The following AXL variants were observed in gnomAD, a reference collection of about 807,000 sequenced individuals.
AXL encodes AXL receptor tyrosine kinase, also known as tyrosine-protein kinase receptor UFO.
Under a neutral mutation model 104.5 loss-of-function variants are expected in AXL, and 52 were observed. The ratio of observed to expected loss-of-function variants is 0.50; its 90% CI spans 0.40 to 0.63. The LOEUF is 0.63. Ranked by LOEUF, AXL falls within the 20% of genes least tolerant of loss-of-function variation. AXL has a pLI of 0.00. For synonymous variants in AXL, 455 were observed against 473.7 expected (o/e 0.96, Z 0.51); for missense variants, 1,024 against 1,188.5 (o/e 0.86, Z 2.04).
chr19:41,244,451 A>C lies in AXL; in HGVS notation c.1537+744A>C, dbSNP rs144975771. On this transcript the variant is annotated intron_variant, in intron 12 of 19. Transcript: ENST00000301178. ...ATCTCCTCGTTTAACCCTCAGAGCA[A>C]CCCAAGGACACGGGTTTCTTTTTTC... is the stretch of plus-strand genomic sequence containing the variant. Among the ~76,000 whole-genome samples, 269 of 151,324 alleles carry C rather than the reference A, an allele frequency of 1.8e-3. 2 individuals are homozygous for C. Among genetic ancestry groups the C allele is most frequent in the Non-Finnish European group, 3.1e-3 (210 of 67,830 alleles).
intron 17 of AXL, among the ~76,000 whole-genome samples, chr19:41,254,342 A>C (rs1409897655): frequency 6.8e-6 from 1 of 146,490 alleles, no homozygotes; most frequent in East Asian, 2.0e-4. Context: ...GCATCACTGC[A>C]CTCCAGCCTG....
At chr19:41,220,567 A>C in intron 1 of AXL, 69 bp from the exon 2 acceptor site, 1 of 1,390,278 alleles carries the variant, frequency 7.2e-7, no homozygotes, top group Non-Finnish European at 9.8e-7. Context: ...GCAGGCAAGG[A>C]CAGGGTGGAA....
chr19:41,221,394 G>A, intron 3 of AXL, 148 bp downstream of exon 3: 1 of 657,280 alleles, frequency 1.5e-6, no homozygotes, highest in Non-Finnish European at 2.5e-6. Context: ...GAATGTCAGA[G>A]TTTTGGGTGG....
rs767554708 is a variant in AXL at position 41,221,969 on chromosome 19, G to A, written c.499G>A (p.Glu167Lys). Reference protein sequence around the residue: ...NLSCQAQGPPEPVDLLWLQDA... With the variant: ...NLSCQAQGPPKPVDLLWLQDA... ...GAGCTGCCAAGCTCAGGGACCCCCA[G>A]AGCCCGTGGACCTACTCTGGCTCCA... Residue 167 changes from glutamate to lysine, a missense_variant, in exon 4 of 20, where the codon GAG becomes AAG. Coordinates refer to ENST00000301178, the MANE Select transcript of AXL (RefSeq NM_021913.5). 6.2e-7 allele frequency: 1 copy of A among 1,612,340 alleles called. No individual in the cohort carries two copies. Among genetic ancestry groups the A allele is most frequent in the Admixed American group, 1.7e-5 (1 of 59,794 alleles).
In AXL at chr19:41,220,705, G is replaced by T; in HGVS notation, c.155G>T (p.Gly52Val). ...GNITGARGLT[G>V]TLRCQLQVQG... ...ATCACAGGTGCCCGGGGACTCACGG[G>T]CACCCTTCGGTGTCAGCTCCAGGTT... Residue 52 changes from glycine (G) to valine (V), a missense_variant, in exon 2 of 20, where the codon GGC (glycine) becomes GTC (valine). This residue lies in a region of AXL where 124 missense variants were observed against 115.5 expected (regional missense o/e 1.07). Transcript: ENST00000301178. 1 of 1,613,274 alleles carries T rather than the reference G, an allele frequency of 6.2e-7. No homozygotes were observed.
intron 6 of AXL, among the ~76,000 whole-genome samples, chr19:41,233,697 G>T (rs1217809128): frequency 9.5e-5 from 14 of 146,930 alleles, no homozygotes; most frequent in Non-Finnish European, 1.5e-4. Flanking sequence ...CTGAGGCCCA[G>T]AGAGGGGCCC....
At chr19:41,221,481 G>C (rs1421259184) in intron 3 of AXL, 7 of 524,354 alleles carry the variant, frequency 1.3e-5, no homozygotes, top group South Asian at 1.1e-4. Flanking sequence ...AGACTTCTTG[G>C]GGGTAGTTGG....
intron 4 of AXL, among the ~76,000 whole-genome samples, chr19:41,227,806 A>C (rs1041851563): frequency 5.9e-5 from 9 of 152,146 alleles, no homozygotes; most frequent in Non-Finnish European, 8.8e-5. Context: ...TATTTAGATA[A>C]ATAAGAGTTT....
intron 19 of AXL, among the ~76,000 whole-genome samples, chr19:41,258,802 GT>G (rs1441369165): frequency 2.6e-5 from 4 of 152,220 alleles, no homozygotes; most frequent in Non-Finnish European, 5.9e-5. Flanking sequence ...AACAACAAAC[GT>G]TTATTATCTC....
chr19:41,252,929 AG>A lies in AXL; in HGVS notation c.1889del (p.Ser630ThrfsTer20), dbSNP rs756657369. ...TTTCATGAAACATGGAGACCTACAC[AG>A]CTTCCTCCTCTATTCCCGGCTCGGG... ...LPFMKHGDLH[S>X]FLLYSRLGDQ... On this transcript the variant is annotated frameshift_variant, in exon 16 of 20. Coordinates refer to ENST00000301178, the MANE Select transcript of AXL (RefSeq NM_021913.5). LOFTEE classifies it high-confidence loss of function. 1 of 1,614,164 alleles carries A rather than the reference AG, an allele frequency of 6.2e-7. No homozygotes were observed. Among genetic ancestry groups the A allele is most frequent in the Non-Finnish European group, 8.5e-7 (1 of 1,180,020 alleles).
chr19:41,253,432 G>A (rs138416430), intron 16 of AXL, among the ~76,000 whole-genome samples, 167 bp from the exon 17 acceptor site: 80 of 152,246 alleles, frequency 5.3e-4, no homozygotes, highest in African/African-American at 1.8e-3. Context: ...AGGAAGGCTG[G>A]AGCAAGTTTA....
At position 41,259,564 on chromosome 19, in the gene AXL, T is replaced by C; in HGVS notation, c.2345T>C (p.Met782Thr). 6.2e-7 allele frequency: 1 copy of C among 1,603,622 alleles called. No individual in the cohort carries two copies. Among genetic ancestry groups the C allele is most frequent in the Non-Finnish European group, 8.5e-7 (1 of 1,174,172 alleles). Residue 782 changes from methionine to threonine, a missense_variant, in exon 20 of 20, where the codon ATG becomes ACG. Physicochemically the swap from Met to Thr is moderately conservative, Grantham distance 81 (BLOSUM62 -1). This residue lies in a region of AXL where 523 missense variants were observed against 636.0 expected (regional missense o/e 0.82). Transcript: ENST00000301178. ...TTTTGCTGCCCTAGGTATGCCTTGA[T>C]GTCGCGGTGCTGGGAGCTAAATCCC... ...ADCLDGLYAL[M>T]SRCWELNPQD...
In AXL at chr19:41,221,203, A is replaced by T; in HGVS notation, c.366A>T (p.Gly122=). Residue 122 remains glycine, a synonymous_variant, in exon 3 of 20, where the codon GGA becomes GGT. Transcript: ENST00000301178. ...TGQYQCLVFL[G]HQTFVSQPGY... is the part of the protein sequence containing the mutation. ...AGTACCAGTGTTTGGTGTTTCTGGG[A>T]CATCAGACCTTCGTGTCCCAGCCTG... 6.2e-7 allele frequency: 1 copy of T among 1,614,034 alleles called. No homozygotes were observed. The highest frequency in any genetic ancestry group is 8.5e-7 in the Non-Finnish European group (1 of 1,179,996).
rs2034286320 is a variant in AXL, at chr19:41,247,251, C to T, written c.1538-1263C>T. Among the ~76,000 whole-genome samples, 4 of 152,238 alleles carry T rather than the reference C, an allele frequency of 2.6e-5. No individual in the cohort carries two copies. In the South Asian group the frequency reaches 6.2e-4, roughly 24 times the overall value. Reference sequence around the variant, plus strand: ...TGAGTTGGCCAGGCGTGGTGGCTCACGCTTGTAATCCCAACACTTTGGGAG... The same window carrying T: ...TGAGTTGGCCAGGCGTGGTGGCTCATGCTTGTAATCCCAACACTTTGGGAG... On this transcript the variant is annotated intron_variant, in intron 12 of 19. Transcript: ENST00000301178.
chr19:41,256,192 C>T (rs942354096), intron 17 of AXL, among the ~76,000 whole-genome samples: 1 of 152,126 alleles, frequency 6.6e-6, no homozygotes, highest in African/African-American at 2.4e-5. Context: ...AGGAATCAAA[C>T]CCAAGGAAGG....
At position 41,220,722 on chromosome 19, in the gene AXL, C is replaced by G. The variant is rs200868176; in HGVS notation, c.172C>G (p.Leu58Val). The change falls in exon 2 of 20, where the codon CTC becomes GTC. Residue 58 changes from leucine (L) to valine (V), a missense_variant. By Grantham distance (32) the Leu-to-Val change is conservative. Coordinates refer to ENST00000301178, the MANE Select transcript of AXL (RefSeq NM_021913.5). The stretch of plus-strand genomic sequence containing the variant: ...ACTCACGGGCACCCTTCGGTGTCAG[C>G]TCCAGGTTCAGGGAGAGCCCCCCGA... ...RGLTGTLRCQLQVQGEPPEVH... is the reference protein window; with the variant it reads ...RGLTGTLRCQVQVQGEPPEVH... 191 of 1,613,862 alleles carry G rather than the reference C, an allele frequency of 1.2e-4. No homozygotes were observed. Among genetic ancestry groups the G allele is most frequent in the Non-Finnish European group, 7.3e-5 (86 of 1,179,924 alleles).
At position 41,219,452 on chromosome 19, in the gene AXL, C is replaced by T. The variant is rs563994782; in HGVS notation, c.60C>T (p.Cys20=). 4.9e-5 allele frequency: 78 copies of T among 1,600,092 alleles called. No homozygotes were observed. Among genetic ancestry groups the T allele is most frequent in the Non-Finnish European group, 6.1e-5 (72 of 1,173,680 alleles). ...CGCTGGCCTGGTGCTTGGCGCTGTG[C>T]GGCTGGGCGTGCATGGCCCCCAGGG... ...RVPLAWCLAL[C]GWACMAPRGT... The change falls in exon 1 of 20, where the codon TGC becomes TGT. Residue 20 remains cysteine, a synonymous_variant. Coordinates refer to ENST00000301178, the MANE Select transcript of AXL (RefSeq NM_021913.5).
intron 17 of AXL, among the ~76,000 whole-genome samples, chr19:41,255,679 G>A (rs2034442017): frequency 6.6e-6 from 1 of 151,360 alleles, no homozygotes; most frequent in African/African-American, 2.4e-5. Flanking sequence ...AGCCTCAAGT[G>A]ATCCTCCCAC....
chr19:41,239,341 C>CTTCA, intron 9 of AXL, 27 bp downstream of exon 9: 1 of 1,543,064 alleles, frequency 6.5e-7, no homozygotes, highest in Non-Finnish European at 8.7e-7. Flanking sequence ...GCCCAACCTG[C>CTTCA]TTCAACCCTG....
Sources: allele counts gnomAD v4.1 joint callset (sites outside exome capture counted in the v4.1 genomes callset), GRCh38; gene constraint gnomAD v4.1.1; regional missense constraint gnomAD v4.1.1; transcripts MANE v1.5; gene names NCBI Gene and HGNC (gene_info 2026-07-23, HGNC 2026-07-21).